The following MBD2 variants were observed in gnomAD, a reference collection of about 807,000 sequenced individuals.
MBD2 encodes the protein methyl-CpG binding domain protein 2.
In MBD2, 9 loss-of-function variants were observed where a neutral mutation model predicts 39.3. The observed-to-expected ratio is 0.23, with a 90% CI of 0.14 to 0.40. The LOEUF is 0.40. Ranked by LOEUF, MBD2 falls within the 10% of genes least tolerant of loss-of-function variation. The pLI is 1.00. For synonymous variants in MBD2, 233 were observed against 211.1 expected (o/e 1.10, Z -0.90); for missense variants, 458 against 532.6 (o/e 0.86, Z 1.38).
chr18:54,200,883 T>A (rs2086402181), intron 2 of MBD2, among the ~76,000 whole-genome samples: 2 of 151,846 alleles, frequency 1.3e-5, no homozygotes, highest in African/African-American at 4.8e-5. Flanking sequence ...ATCGAGACCA[T>A]CCTGGCTAAT....
At chr18:54,157,980 A>C (rs2086066052) in intron 6 of MBD2, among the ~76,000 whole-genome samples, 1 of 152,224 alleles carries the variant, frequency 6.6e-6, no homozygotes. Flanking sequence ...CTACCGCAGC[A>C]ACATCCCAAC....
intron 6 of MBD2, among the ~76,000 whole-genome samples, chr18:54,155,676 T>C (rs1370942221): frequency 1.3e-5 from 2 of 152,202 alleles, no homozygotes; most frequent in Non-Finnish European, 2.9e-5. Context: ...CAAATATATT[T>C]TGAGAAAATG....
chr18:54,214,397 C>T (rs1383126541), intron 1 of MBD2, among the ~76,000 whole-genome samples: 3 of 152,016 alleles, frequency 2.0e-5, no homozygotes, highest in African/African-American at 7.3e-5. Flanking sequence ...AGGAGTCTCA[C>T]TATGTTAGCC....
intron 3 of MBD2, among the ~76,000 whole-genome samples, chr18:54,179,242 A>G (rs1364965294): frequency 6.6e-6 from 1 of 152,238 alleles, no homozygotes; most frequent in Non-Finnish European, 1.5e-5. Flanking sequence ...CATAAAAAAA[A>G]TAGGCTGAGA....
intron 1 of MBD2, among the ~76,000 whole-genome samples, chr18:54,211,039 T>C (rs2086501355): frequency 6.6e-6 from 1 of 150,732 alleles, no homozygotes; most frequent in South Asian, 2.1e-4. Flanking sequence ...GCCCGGCTAA[T>C]TTTTTGTATT....
At chr18:54,176,188 A>C (rs1408594307) in intron 3 of MBD2, among the ~76,000 whole-genome samples, 1 of 152,246 alleles carries the variant, frequency 6.6e-6, no homozygotes, top group Non-Finnish European at 1.5e-5. Context: ...GAGGGAGGAC[A>C]GGGTGATAGA....
At chr18:54,220,615 T>C (rs1037241968) in intron 1 of MBD2, among the ~76,000 whole-genome samples, 8 of 152,188 alleles carry the variant, frequency 5.3e-5, no homozygotes, top group African/African-American at 9.7e-5. Context: ...GTGTGAACAA[T>C]TGGGTGCAGG....
chr18:54,189,106 TATTCCA>T, intron 2 of MBD2, 95 bp from the exon 3 acceptor site: 1 of 791,064 alleles, frequency 1.3e-6, no homozygotes, highest in Non-Finnish European at 1.9e-6. Flanking sequence ...TAAATCAAAT[TATTCCA>T]AACTTCTCAG....
chr18:54,183,257 T>TACTACTAACTGAAC (rs2086263015), intron 3 of MBD2, among the ~76,000 whole-genome samples: 1 of 152,152 alleles, frequency 6.6e-6, no homozygotes, highest in Non-Finnish European at 1.5e-5. Context: ...GTAGGAGAAT[T>TACTACTAACTGAAC]GACACAAACG....
At chr18:54,194,867 A>C (rs992206406) in intron 2 of MBD2, among the ~76,000 whole-genome samples, 1 of 152,132 alleles carries the variant, frequency 6.6e-6, no homozygotes, top group Non-Finnish European at 1.5e-5. Flanking sequence ...GTTGAAAGCA[A>C]GTAATTGTAC....
chr18:54,199,413 T>C (rs1443433293), intron 2 of MBD2, among the ~76,000 whole-genome samples: 1 of 152,230 alleles, frequency 6.6e-6, no homozygotes, highest in Non-Finnish European at 1.5e-5. Context: ...ACAAGATTCA[T>C]TTATTCATTT....
At chr18:54,218,327 T>G (rs184689252) in intron 1 of MBD2, among the ~76,000 whole-genome samples, 245 of 152,346 alleles carry the variant, frequency 1.6e-3, no homozygotes, top group Admixed American at 2.2e-3. Context: ...GCTGGAGGGT[T>G]ATCCTTTGGT....
chr18:54,181,418 G>A (rs1463771509), intron 3 of MBD2, among the ~76,000 whole-genome samples: 2 of 152,054 alleles, frequency 1.3e-5, no homozygotes, highest in East Asian at 3.8e-4. Flanking sequence ...CCATATTTCT[G>A]TCAAAGATAT....
In MBD2 at chr18:54,203,611, G is replaced by T. The variant is rs2086425562; in HGVS notation, c.702+1387C>A. ...AAACCAATGCGAGGTATGATATGAA[G>T]AAACAATGCATTTTGACCTCTGTAT... On this transcript the variant is annotated intron_variant, in intron 2 of 6. Coordinates refer to ENST00000256429, the MANE Select transcript of MBD2 (RefSeq NM_003927.5). 2.0e-5 allele frequency among the ~76,000 whole-genome samples: 3 copies of T among 152,312 alleles called. No homozygotes were observed. In the South Asian group the frequency reaches 6.2e-4, roughly 32 times the overall value.
intron 3 of MBD2, among the ~76,000 whole-genome samples, chr18:54,180,989 TG>T (rs2086248485): frequency 6.8e-6 from 1 of 146,570 alleles, no homozygotes; most frequent in African/African-American, 2.5e-5. Flanking sequence ...CACTGCCTCC[TG>T]GGTTCAAGCA....
chr18:54,213,999 C>CTT (rs1280647832), intron 1 of MBD2, among the ~76,000 whole-genome samples: 1 of 144,262 alleles, frequency 6.9e-6, no homozygotes, highest in Non-Finnish European at 1.5e-5. Flanking sequence ...TCTTTTCTTT[C>CTT]TTTCTTTTTT....
At chr18:54,174,408 C>G (rs1309981768) in intron 3 of MBD2, among the ~76,000 whole-genome samples, 1 of 152,240 alleles carries the variant, frequency 6.6e-6, no homozygotes, top group African/African-American at 2.4e-5. Context: ...ACCATCACTG[C>G]AAGCTCCTCT....
chr18:54,208,585 T>C (rs1451218222), intron 1 of MBD2, among the ~76,000 whole-genome samples: 3 of 152,212 alleles, frequency 2.0e-5, no homozygotes, highest in Non-Finnish European at 4.4e-5. Context: ...GACACCTTAT[T>C]TCAACAAATT....
At chr18:54,166,828 G>A (rs1349853228) in intron 3 of MBD2, among the ~76,000 whole-genome samples, 17 of 152,182 alleles carry the variant, frequency 1.1e-4, no homozygotes, top group Admixed American at 9.8e-4. Flanking sequence ...GTGGCTCCTC[G>A]TGCCCTAGGG....
Sources: gnomAD v4.1 joint callset for allele counts (sites outside exome capture counted in the v4.1 genomes callset) on GRCh38, gnomAD v4.1.1 for gene constraint, MANE v1.5 for transcripts, NCBI Gene and HGNC (gene_info 2026-07-23, HGNC 2026-07-21) for gene names.